The following PDE1C variants were observed in gnomAD, a reference collection of about 807,000 sequenced individuals.
PDE1C encodes the protein dual specificity calcium/calmodulin-dependent 3',5'-cyclic nucleotide phosphodiesterase 1C.
PDE1C carries 62 observed loss-of-function variants against 93.1 expected under a neutral mutation model. That is an observed-to-expected ratio of 0.67 (90% CI 0.54 to 0.82). The LOEUF (loss-of-function observed/expected upper bound fraction) is 0.82, where lower values mean the gene tolerates loss of function less well. Among genes scored for constraint, PDE1C ranks in the 40% least tolerant of loss-of-function variants. PDE1C has a pLI of 0.00. For synonymous variants in PDE1C, 325 were observed against 310.1 expected, an observed-to-expected ratio of 1.05 and a Z score of -0.50; for missense variants, 742 against 884.6, an observed-to-expected ratio of 0.84 and a Z score of 2.04.
intron 2 of PDE1C, among the ~76,000 whole-genome samples, chr7:31,887,085 T>C (rs868194732): frequency 9.9e-5 from 15 of 152,228 alleles, no homozygotes; most frequent in Middle Eastern, 3.4e-3. Context: ...GTGAGTGAGA[T>C]GGAAAATTCT....
chr7:32,070,863 G>C (rs1303054446), upstream of PDE1C: 12 of 986,106 alleles, frequency 1.2e-5, no homozygotes, highest in South Asian at 5.6e-4. Context: ...GCGGGAGCCG[G>C]CGCGGGCGGT....
the PDE1C span, among the ~76,000 whole-genome samples, chr7:31,634,487 C>T: frequency 2.6e-5 from 4 of 152,104 alleles, no homozygotes; most frequent in Admixed American, 6.5e-5. Context: ...AGGGGACAGA[C>T]TCAGAGAGAG....
At chr7:32,003,303 A>G (rs1172269745) in intron 2 of PDE1C, among the ~76,000 whole-genome samples, 1 of 152,212 alleles carries the variant, frequency 6.6e-6, no homozygotes, top group Non-Finnish European at 1.5e-5. Context: ...TCCAGGAACT[A>G]TGATAGAATT....
In PDE1C at chr7:32,152,812, T is replaced by G. The variant is rs1406853161; in HGVS notation, c.308+16973A>C. 5.3e-5 allele frequency among the ~76,000 whole-genome samples: 8 copies of G among 152,134 alleles called. 1 individual carries two copies. The highest frequency in any genetic ancestry group is 5.2e-4 in the Admixed American group (8 of 15,272). On this transcript the variant is annotated intron_variant, in intron 3 of 18. Transcript: ENST00000396193. Reference sequence around the variant, plus strand: ...CTACGTGGCAACATGGCAAAATGACTAAGGTAAAATGATCCATGAAAAAAT... The same window carrying G: ...CTACGTGGCAACATGGCAAAATGACGAAGGTAAAATGATCCATGAAAAAAT...
chr7:31,774,373 T>C (rs1795697088), intron 17 of PDE1C, among the ~76,000 whole-genome samples: 1 of 152,212 alleles, frequency 6.6e-6, no homozygotes, highest in African/African-American at 2.4e-5. Flanking sequence ...CAGTAAAATA[T>C]TGAAAATAAT....
At chr7:31,781,169 T>A (rs537865909) in intron 16 of PDE1C, among the ~76,000 whole-genome samples, 1 of 152,360 alleles carries the variant, frequency 6.6e-6, no homozygotes, top group South Asian at 2.1e-4. Context: ...GACTCGGGAC[T>A]TCACAAAGTT....
intron 2 of PDE1C, among the ~76,000 whole-genome samples, chr7:31,956,647 A>G (rs1808188356): frequency 6.6e-6 from 1 of 151,624 alleles, no homozygotes; most frequent in South Asian, 2.1e-4. Flanking sequence ...TCCTGCAGCC[A>G]CCAAGGGCAA....
At chr7:31,735,552 G>A in the PDE1C span, among the ~76,000 whole-genome samples, 1 of 152,316 alleles carries the variant, frequency 6.6e-6, no homozygotes, top group African/African-American at 2.4e-5. Flanking sequence ...TGGACACTTA[G>A]TAGCTGTGGA....
At chr7:32,121,374 C>G (rs1799289648) in intron 3 of PDE1C, among the ~76,000 whole-genome samples, 1 of 152,002 alleles carries the variant, frequency 6.6e-6, no homozygotes, top group Non-Finnish European at 1.5e-5. Context: ...TCAGGAAATA[C>G]AGAGACACCA....
chr7:31,945,045 T>C (rs1806419321), intron 2 of PDE1C, among the ~76,000 whole-genome samples: 1 of 152,162 alleles, frequency 6.6e-6, no homozygotes, highest in Admixed American at 6.5e-5. Flanking sequence ...ATTATACATC[T>C]TTTTAAAAAT....
chr7:32,343,637 T>C (rs985373514), intron 1 of PDE1C, among the ~76,000 whole-genome samples: 1 of 152,246 alleles, frequency 6.6e-6, no homozygotes, highest in African/African-American at 2.4e-5. Context: ...AAATTGCATA[T>C]TCAGGTGAGT....
chr7:31,622,730 T>C, the PDE1C span, among the ~76,000 whole-genome samples: 436 of 152,140 alleles, frequency 2.9e-3, 1 homozygote, highest in African/African-American at 1.0e-2. Context: ...ATTCAAAAGC[T>C]AACAGAAGGC....
chr7:32,363,830 A>G (rs937979294), intron 1 of PDE1C, among the ~76,000 whole-genome samples: 1 of 152,226 alleles, frequency 6.6e-6, no homozygotes, highest in Admixed American at 6.5e-5. Context: ...TTTTCTTGAA[A>G]TTAACAATAC....
the PDE1C span, among the ~76,000 whole-genome samples, chr7:31,682,075 T>G: frequency 6.6e-6 from 1 of 152,206 alleles, no homozygotes; most frequent in South Asian, 2.1e-4. Context: ...AGCTGTCTAC[T>G]TGACCTCCCT....
At chr7:32,302,387 G>A (rs1812901815), upstream of PDE1C, among the ~76,000 whole-genome samples, 1 of 152,184 alleles carries the variant, frequency 6.6e-6, no homozygotes, top group Admixed American at 6.5e-5. Context: ...AGACTAATTA[G>A]GTTAAGATTA....
Position 32,275,370 on chromosome 7 carries a change from C to T in PDE1C, c.85+23281G>A, listed in dbSNP as rs544259282. 4.6e-5 allele frequency among the ~76,000 whole-genome samples: 7 copies of T among 152,252 alleles called. No homozygotes were observed. In the East Asian group the frequency reaches 1.4e-3, roughly 29 times the overall value. The stretch of plus-strand genomic sequence containing the variant: ...CCCAGCCCCTACTGACATCAGTGGC[C>T]CTGATGAGCCAAGCAGGCTCCTGAT... On this transcript the variant is annotated intron_variant, in intron 1 of 18. Coordinates refer to the PDE1C transcript ENST00000396193.
At chr7:32,153,865 C>A (rs539282203) in intron 3 of PDE1C, among the ~76,000 whole-genome samples, 9 of 152,314 alleles carry the variant, frequency 5.9e-5, no homozygotes, top group Non-Finnish European at 1.2e-4. Context: ...ATTCCTCTCT[C>A]TCTGCCTTTT....
chr7:32,188,187 CA>C (rs1804005721), intron 2 of PDE1C, among the ~76,000 whole-genome samples: 1 of 145,130 alleles, frequency 6.9e-6, no homozygotes, highest in African/African-American at 2.6e-5. Context: ...CTTTGTAATT[CA>C]AAAATGTTGC....
chr7:32,070,681 T>C (rs1584696175), upstream of PDE1C: 2 of 1,289,448 alleles, frequency 1.6e-6, no homozygotes, highest in Non-Finnish European at 2.0e-6. Flanking sequence ...GGGATTGGGA[T>C]TGGACTCCAG....
Sources: gnomAD v4.1 joint callset for allele counts (sites outside exome capture counted in the v4.1 genomes callset) on GRCh38, gnomAD v4.1.1 for gene constraint, MANE v1.5 for transcripts, NCBI Gene and HGNC (gene_info 2026-07-23, HGNC 2026-07-21) for gene names.